PLAAT5: variants seen among roughly 807,000 people sequenced by gnomAD.
PLAAT5 encodes Ca(2+)-independent N-acyltransferase.
PLAAT5 carries 27 observed loss-of-function variants against 27.8 expected under a neutral mutation model. That is an observed-to-expected ratio of 0.97 (90% CI 0.72 to 1.34). The LOEUF is 1.34. Among genes scored for constraint, PLAAT5 ranks in the 40% most tolerant of loss-of-function variants. The pLI is 0.00. For missense variants in PLAAT5, 368 were observed against 343.8 expected, an observed-to-expected ratio of 1.07 and a Z score of -0.56; for synonymous variants, 125 against 136.1, an observed-to-expected ratio of 0.92 and a Z score of 0.57.
intron 3 of PLAAT5, among the ~76,000 whole-genome samples, chr11:63,487,167 G>A (rs758077710): frequency 5.3e-5 from 8 of 152,168 alleles, no homozygotes; most frequent in Non-Finnish European, 5.9e-5. Flanking sequence ...ACAAGCCACA[G>A]ATGGAGAGAA....
chr11:63,466,014 T>C (rs184475780), intron 5 of PLAAT5, 96 bp downstream of exon 5: 1 of 1,282,276 alleles, frequency 7.8e-7, no homozygotes, highest in Admixed American at 2.2e-5. Context: ...ACGAATAATA[T>C]AATGAAAGCC....
intron 3 of PLAAT5, among the ~76,000 whole-genome samples, chr11:63,471,628 T>G (rs2016027451): frequency 1.3e-5 from 2 of 152,204 alleles, no homozygotes; most frequent in Admixed American, 6.5e-5. Context: ...TAACATTGTT[T>G]GAGTGAAGCA....
At chr11:63,474,874 T>G (rs1437859038) in intron 3 of PLAAT5, among the ~76,000 whole-genome samples, 1 of 152,122 alleles carries the variant, frequency 6.6e-6, no homozygotes, top group South Asian at 2.1e-4. Flanking sequence ...TTCACTCAAC[T>G]CAAAATATTT....
Position 63,466,187 on chromosome 11 carries a change from C to T in PLAAT5, c.640G>A (p.Val214Met), listed in dbSNP as rs150014538. Reference sequence around the variant, plus strand: ...TTCCCTTCAATCAGGCTGTACTGCACGATCTTGTTGACCATCTTTTTTGTA... The same window carrying T: ...TTCCCTTCAATCAGGCTGTACTGCATGATCTTGTTGACCATCTTTTTTGTA... ...QRTKKMVNKIVQYSLIEGNCE... is the reference protein window; with the variant it reads ...QRTKKMVNKIMQYSLIEGNCE... The change falls in exon 5 of 6, where the codon GTG (valine) becomes ATG (methionine). Residue 214 changes from valine (V) to methionine (M), a missense_variant. Physicochemically the swap from Val to Met is conservative, Grantham distance 21 (BLOSUM62 1). Transcript: ENST00000540857. 953 of 1,614,166 alleles carry T rather than the reference C, an allele frequency of 5.9e-4. 5 individuals carry two copies. The African/African-American group carries it at 0.011, about 19-fold the overall frequency.
chr11:63,473,460 C>G (rs189978276), intron 3 of PLAAT5, among the ~76,000 whole-genome samples: 1 of 152,124 alleles, frequency 6.6e-6, no homozygotes, highest in Non-Finnish European at 1.5e-5. Context: ...TTTATTCTGA[C>G]GGTCTAGAAC....
chr11:63,482,578 A>C (rs1290435710), intron 3 of PLAAT5, among the ~76,000 whole-genome samples: 2 of 152,212 alleles, frequency 1.3e-5, no homozygotes, highest in African/African-American at 4.8e-5. Flanking sequence ...AGAATTCACC[A>C]CAACTAAGCC....
chr11:63,476,926 G>C (rs746403624), intron 3 of PLAAT5, among the ~76,000 whole-genome samples: 6 of 151,818 alleles, frequency 4.0e-5, no homozygotes, highest in Admixed American at 3.9e-4. Context: ...CCATCTTTGA[G>C]TTTGCTGATT....
In PLAAT5 at chr11:63,483,784, A is replaced by AATAT. The variant is rs56345803; in HGVS notation, c.345+5083_345+5086dup. 7.3e-3 allele frequency among the ~76,000 whole-genome samples: 480 copies of AATAT among 65,566 alleles called. 5 individuals carry two copies. The highest frequency in any genetic ancestry group is 8.8e-3 in the Non-Finnish European group (335 of 38,022). The allele number at this position is 65,566 out of a possible 152,430, so 43.0% of individuals were successfully genotyped here. A position where few individuals can be genotyped will look rare whatever the true frequency, so the allele number is the denominator to read the frequency against. ...GTAAATGAAATTGAAGCAAAAAAAA[A>AATAT]ATATATATATATATATGTATATATA... On this transcript the variant is annotated intron_variant, in intron 3 of 5. Transcript: ENST00000540857.
intron 5 of PLAAT5, among the ~76,000 whole-genome samples, chr11:63,464,526 T>G (rs1004482220): frequency 5.3e-5 from 8 of 151,794 alleles, no homozygotes; most frequent in Admixed American, 1.3e-4. Flanking sequence ...CATGGTGGCG[T>G]GCACCTGGAG....
intron 3 of PLAAT5, among the ~76,000 whole-genome samples, chr11:63,486,984 C>T (rs919810188): frequency 4.6e-5 from 7 of 152,228 alleles, no homozygotes; most frequent in African/African-American, 9.6e-5. Flanking sequence ...TGTATGTCCA[C>T]TTCTTTGGCG....
intron 4 of PLAAT5, among the ~76,000 whole-genome samples, chr11:63,466,704 A>T (rs2015875817): frequency 6.6e-6 from 1 of 152,170 alleles, no homozygotes; most frequent in South Asian, 2.1e-4. Context: ...AGACTTCAGT[A>T]ATCTTCACAA....
At chr11:63,477,879 G>A (rs2016190659) in intron 3 of PLAAT5, among the ~76,000 whole-genome samples, 1 of 152,114 alleles carries the variant, frequency 6.6e-6, no homozygotes, top group Non-Finnish European at 1.5e-5. Context: ...ATCTCTGTGT[G>A]GCTTGGAGAA....
intron 3 of PLAAT5, among the ~76,000 whole-genome samples, chr11:63,475,261 T>C (rs1040339485): frequency 6.6e-6 from 1 of 152,116 alleles, no homozygotes; most frequent in African/African-American, 2.4e-5. Flanking sequence ...CTCCCAACTA[T>C]TATTTCTGAA....
chr11:63,481,007 T>C (rs1437293457), intron 3 of PLAAT5, among the ~76,000 whole-genome samples: 1 of 152,258 alleles, frequency 6.6e-6, no homozygotes, highest in East Asian at 1.9e-4. Context: ...TAAGTGTGTC[T>C]TTCATTTCCA....
rs7943686 is a variant in PLAAT5 at position 63,484,036 on chromosome 11, G to T, written c.345+4835C>A. On this transcript the variant is annotated intron_variant, in intron 3 of 5. Transcript: ENST00000540857. ...CACACACAAACTAGAAAATCTAGAG[G>T]ATATGGATAAATTCCTGTAAATATG... 8.5e-3 allele frequency among the ~76,000 whole-genome samples: 1,272 copies of T among 149,896 alleles called. 13 individuals are homozygous for T. Among genetic ancestry groups the T allele is most frequent in the African/African-American group, 0.03 (1,213 of 41,072 alleles).
intron 3 of PLAAT5, among the ~76,000 whole-genome samples, chr11:63,472,557 C>T (rs1480468104): frequency 6.6e-6 from 1 of 152,130 alleles, no homozygotes; most frequent in Non-Finnish European, 1.5e-5. Context: ...AGACTGCCAC[C>T]TTAAGATTGC....
Position 63,466,282 on chromosome 11 carries a change from C to A in PLAAT5, c.545G>T (p.Cys182Phe), listed in dbSNP as rs1418106336. 6.2e-7 allele frequency: 1 copy of A among 1,614,044 alleles called. No homozygotes were observed. Among genetic ancestry groups the A allele is most frequent in the Non-Finnish European group, 8.5e-7 (1 of 1,180,034 alleles). ...YSRLEDVLHG[C>F]SWKVNNKLDG... ...TAGCTTGTTATTGACCTTCCAGGAG[C>A]AGCCATGCAGCACATCCTCCAGACG... Residue 182 changes from cysteine to phenylalanine, a missense_variant, in exon 5 of 6, where the codon TGC (cysteine) becomes TTC (phenylalanine). Physicochemically the swap from Cys to Phe is radical, Grantham distance 205. Coordinates refer to ENST00000540857, the MANE Select transcript of PLAAT5 (RefSeq NM_001146729.2).
chr11:63,478,198 C>T (rs2016196704), intron 3 of PLAAT5, among the ~76,000 whole-genome samples: 1 of 152,214 alleles, frequency 6.6e-6, no homozygotes. Context: ...GCTGCCACGC[C>T]ATTCCCTCCC....
chr11:63,490,974 G>C lies in PLAAT5; in HGVS notation c.61C>G (p.Pro21Ala). Residue 21 changes from proline to alanine, a missense_variant, in exon 1 of 6, where the codon CCC (proline) becomes GCC (alanine). Transcript: ENST00000540857. Reference protein sequence around the residue: ...YALRLPRIPPPLPKPASRTAS... With the variant: ...YALRLPRIPPALPKPASRTAS... The stretch of plus-strand genomic sequence containing the variant: ...GTTCGCGAGGCGGGTTTGGGGAGGG[G>C]TGGGGGAATCCTAGGGAGGCGGAGC... 6.3e-7 allele frequency: 1 copy of C among 1,582,530 alleles called. No homozygotes were observed. The highest frequency in any genetic ancestry group is 1.8e-5 in the Admixed American group (1 of 55,502).
Sources: allele counts gnomAD v4.1 joint callset (sites outside exome capture counted in the v4.1 genomes callset), GRCh38; gene constraint gnomAD v4.1.1; transcripts MANE v1.5; gene names NCBI Gene and HGNC (gene_info 2026-07-23, HGNC 2026-07-21).